Variants in CD109 observed in about 807,000 individuals in gnomAD.
The protein encoded by CD109 is CD109 antigen.
CD109 carries 149 observed loss-of-function variants against 165.8 expected under a neutral mutation model. The ratio of observed to expected loss-of-function variants is 0.90; its 90% CI spans 0.79 to 1.03. The LOEUF is 1.03. CD109 is among the 50% of genes least tolerant of loss of function. CD109 has a pLI of 0.00. For synonymous variants in CD109, 585 were observed against 592.1 expected (o/e 0.99, Z 0.18); for missense variants, 1,712 against 1,677.8 (o/e 1.02, Z -0.36).
rs576608037 is a variant in CD109, at chr6:73,827,673, A to T, written c.*4040A>T. ...TTTCTAGCCAGTGAGTTGTGTTTTC[A>T]TGTCTCATCAAAAGACAATACCACA... On this transcript the variant is annotated 3_prime_UTR_variant, in exon 33 of 33. Coordinates refer to ENST00000287097, the MANE Select transcript of CD109 (RefSeq NM_133493.5). 6.6e-6 allele frequency: 1 copy of T among 152,110 alleles called. No individual in the cohort carries two copies. The highest frequency in any genetic ancestry group is 2.4e-5 in the African/African-American group (1 of 41,426). 9.4% of individuals were successfully genotyped at this position (152,110 alleles called of 1,614,324 possible).
At chr6:73,688,761 GTTTTTTTTTT>G in the CD109 span, among the ~76,000 whole-genome samples, 4,385 of 73,594 alleles carry the variant, frequency 0.06, 141 homozygotes, top group East Asian at 0.15. Context: ...GTTTTTCTTT[GTTTTTTTTTT>G]TTTTTTTTTT....
intron 21 of CD109, among the ~76,000 whole-genome samples, chr6:73,787,669 A>G (rs1026125211): frequency 3.9e-5 from 6 of 152,198 alleles, no homozygotes; most frequent in African/African-American, 1.4e-4. Context: ...ATGTGACTAT[A>G]AAGACTAACG....
At chr6:73,822,215 G>A (rs1163945651) in intron 32 of CD109, among the ~76,000 whole-genome samples, 2 of 152,118 alleles carry the variant, frequency 1.3e-5, no homozygotes, top group Admixed American at 6.6e-5. Flanking sequence ...GTGATCTCTG[G>A]CCTAATGTTT....
intron 2 of CD109, among the ~76,000 whole-genome samples, chr6:73,709,434 T>C (rs1309875177): frequency 1.3e-5 from 2 of 152,246 alleles, no homozygotes; most frequent in African/African-American, 2.4e-5. Context: ...TCAGGTAGCA[T>C]GATGCCTCCA....
upstream of CD109, among the ~76,000 whole-genome samples, chr6:73,692,105 C>A (rs1770701027): frequency 1.3e-5 from 2 of 152,074 alleles, no homozygotes; most frequent in Non-Finnish European, 2.9e-5. Context: ...ATCGCAAGAA[C>A]AGCACCACGG....
At chr6:73,775,191 ATATATATG>A (rs1036366810) in intron 15 of CD109, among the ~76,000 whole-genome samples, 1 of 151,924 alleles carries the variant, frequency 6.6e-6, no homozygotes, top group Non-Finnish European at 1.5e-5. Context: ...ATGTGTATAT[ATATATATG>A]TATATATGTA....
At position 73,773,615 on chromosome 6, in the gene CD109, C is replaced by A. The variant is rs537907021; in HGVS notation, c.1827+2034C>A. ...ACAAACTGTACCCATATTAATTTAT[C>A]CTTGTTGGTTTCTAAAGGTTATCAG... On this transcript the variant is annotated intron_variant, in intron 15 of 32. Coordinates refer to ENST00000287097, the MANE Select transcript of CD109 (RefSeq NM_133493.5). Among the ~76,000 whole-genome samples the A allele has an allele frequency of 1.3e-4, 20 of 152,038 alleles. No individual in the cohort carries two copies. In the South Asian group the frequency reaches 3.9e-3, roughly 30 times the overall value.
chr6:73,775,764 A>G lies in CD109; in HGVS notation c.1827+4183A>G, dbSNP rs143248384. Among the ~76,000 whole-genome samples the G allele has an allele frequency of 3.2e-4, 48 of 152,310 alleles. No individual in the cohort carries two copies. The East Asian group carries it at 8.3e-3, about 26-fold the overall frequency. On this transcript the variant is annotated intron_variant, in intron 15 of 32. Transcript: ENST00000287097. ...TTAACTCCCACTTATAAGTGAGAAC[A>G]TGTGGTATTTGGTTTTCTGTTCCTG...
At chr6:73,707,156 G>A (rs1176700429) in intron 2 of CD109, among the ~76,000 whole-genome samples, 3 of 152,158 alleles carry the variant, frequency 2.0e-5, no homozygotes, top group Non-Finnish European at 4.4e-5. Context: ...GTCAAGCGTG[G>A]GTTTACTGGA....
At position 73,814,908 on chromosome 6, in the gene CD109, A is replaced by G. The variant is rs1235706556; in HGVS notation, c.3769-73A>G. 2.7e-5 allele frequency: 30 copies of G among 1,092,956 alleles called. No individual in the cohort carries two copies. In the East Asian group the frequency reaches 8.3e-4, roughly 30 times the overall value. 67.7% of individuals were successfully genotyped at this position (1,092,956 alleles called of 1,614,324 possible). On this transcript the variant is annotated intron_variant, in intron 29 of 32. Coordinates refer to ENST00000287097, the MANE Select transcript of CD109 (RefSeq NM_133493.5). ...TCCATCCAAAGAGAATCATTACCTA[A>G]TACAGTATTTAGAAGGCAAAATGAT...
the CD109 span, among the ~76,000 whole-genome samples, chr6:73,688,761 GTTTTTTTTTTTTTTT>G: frequency 1.4e-5 from 1 of 73,528 alleles, no homozygotes; most frequent in Non-Finnish European, 2.7e-5. Flanking sequence ...GTTTTTCTTT[GTTTTTTTTTTTTTTT>G]TTTTTTTTTT....
intron 5 of CD109, among the ~76,000 whole-genome samples, chr6:73,740,975 G>T (rs891068831): frequency 1.3e-5 from 2 of 152,024 alleles, no homozygotes; most frequent in African/African-American, 4.8e-5. Flanking sequence ...TAGAACTCAG[G>T]CCTTTTGACA....
intron 4 of CD109, among the ~76,000 whole-genome samples, chr6:73,734,366 C>T (rs1438452574): frequency 6.6e-6 from 1 of 152,240 alleles, no homozygotes; most frequent in Non-Finnish European, 1.5e-5. Context: ...TCCTACACTT[C>T]AGGTAACACC....
At chr6:73,779,469 C>G (rs1375759715) in intron 15 of CD109, among the ~76,000 whole-genome samples, 1 of 152,022 alleles carries the variant, frequency 6.6e-6, no homozygotes, top group Non-Finnish European at 1.5e-5. Flanking sequence ...AGGCTGGTCT[C>G]AAACTCCTGA....
At chr6:73,798,828 T>C (rs1775261076) in intron 23 of CD109, among the ~76,000 whole-genome samples, 1 of 152,160 alleles carries the variant, frequency 6.6e-6, no homozygotes. Context: ...CAATATCTCA[T>C]ACTTGGAACT....
chr6:73,748,955 C>T (rs903030263), intron 5 of CD109, among the ~76,000 whole-genome samples: 3 of 152,100 alleles, frequency 2.0e-5, no homozygotes, highest in Non-Finnish European at 4.4e-5. Flanking sequence ...TATTTTTAAG[C>T]TCTCCCAATT....
At chr6:73,820,692 CG>C (rs1243009785) in intron 32 of CD109, 129 bp downstream of exon 32, 3 of 495,142 alleles carry the variant, frequency 6.1e-6, no homozygotes, top group Non-Finnish European at 7.1e-6. Context: ...GTACAGGAGG[CG>C]GGGGGGCAGG....
At chr6:73,717,792 T>G (rs1771798128) in intron 2 of CD109, among the ~76,000 whole-genome samples, 1 of 151,686 alleles carries the variant, frequency 6.6e-6, no homozygotes. Flanking sequence ...GCTAATTTTT[T>G]GTATTTTTAG....
chr6:73,693,730 T>C (rs953223391), upstream of CD109, among the ~76,000 whole-genome samples: 1 of 152,078 alleles, frequency 6.6e-6, no homozygotes, highest in Non-Finnish European at 1.5e-5. Context: ...TTTGTATTTT[T>C]AGTAGAGACA....
Sources: gnomAD v4.1 joint callset for allele counts (sites outside exome capture counted in the v4.1 genomes callset) on GRCh38, gnomAD v4.1.1 for gene constraint, MANE v1.5 for transcripts, NCBI Gene and HGNC (gene_info 2026-07-23, HGNC 2026-07-21) for gene names.